HACL2: variants seen among roughly 807,000 people sequenced by gnomAD.
HACL2 encodes the protein 2-hydroxyacyl-CoA lyase 1 like.
the HACL2 span, chr19:15,123,712 G>T: frequency 2.0e-5 from 14 of 703,074 alleles, no homozygotes; most frequent in Admixed American, 3.9e-4. This position sits in a 1 kb window ranked among gnomAD's most constrained non-coding sequence, Gnocchi z 5.1. Context: ...TCTTGGTTAG[G>T]CATATATTAT....
the HACL2 span, chr19:15,118,068 A>G: frequency 6.2e-7 from 1 of 1,608,850 alleles, no homozygotes; most frequent in Non-Finnish European, 8.5e-7. Context: ...CGTCTACCTT[A>G]CTTGATCCAC....
At chr19:15,116,548 TG>T in the HACL2 span, 1 of 1,577,504 alleles carries the variant, frequency 6.3e-7, no homozygotes, top group Non-Finnish European at 8.7e-7. Context: ...GACACAGCTG[TG>T]GGGAGCTGGC....
chr19:15,124,815 T>C, the HACL2 span: 3 of 1,397,110 alleles, frequency 2.1e-6, no homozygotes, highest in African/African-American at 2.9e-5. Flanking sequence ...CCCTCTGGAC[T>C]AGTCGGGGCT....
At chr19:15,122,917 C>T in the HACL2 span, 1 of 1,608,470 alleles carries the variant, frequency 6.2e-7, no homozygotes, top group Non-Finnish European at 8.5e-7. This position sits in a 1 kb window ranked among gnomAD's most constrained non-coding sequence, Gnocchi z 4.0. Context: ...GGGCGGCAGC[C>T]ATCGCGGCCC....
the HACL2 span, among the ~76,000 whole-genome samples, chr19:15,118,773 C>T: frequency 6.6e-6 from 1 of 152,160 alleles, no homozygotes; most frequent in Non-Finnish European, 1.5e-5. Flanking sequence ...TCTATGACCC[C>T]AGCTGAGGCC....
At chr19:15,115,906 C>G in the HACL2 span, 1 of 1,614,140 alleles carries the variant, frequency 6.2e-7, no homozygotes, top group Non-Finnish European at 8.5e-7. Flanking sequence ...GCTCCGTCCC[C>G]AAACAGGCAC....
chr19:15,115,107 T>C, the HACL2 span: 4 of 899,010 alleles, frequency 4.4e-6, no homozygotes, highest in Admixed American at 2.0e-5. Flanking sequence ...TCTCTGAGAT[T>C]TGACCCCTCC....
At chr19:15,116,714 G>A in the HACL2 span, 1 of 584,826 alleles carries the variant, frequency 1.7e-6, no homozygotes, top group African/African-American at 1.9e-5. Flanking sequence ...GGCAGCCCAG[G>A]TGAAAAGGGA....
the HACL2 span, chr19:15,123,205 G>T: frequency 6.2e-7 from 1 of 1,614,002 alleles, no homozygotes; most frequent in Non-Finnish European, 8.5e-7. This position sits in a 1 kb window ranked among gnomAD's most constrained non-coding sequence, Gnocchi z 5.1. Context: ...GTGTTGGTGA[G>T]GCCAGGGCCT....
At chr19:15,117,891 C>A in the HACL2 span, 68 of 1,613,892 alleles carry the variant, frequency 4.2e-5, no homozygotes, top group Non-Finnish European at 5.6e-5. Context: ...CCTGCACAGC[C>A]TCCTGGGGCT....
chr19:15,123,657 C>CCTT, the HACL2 span: 1 of 1,323,322 alleles, frequency 7.6e-7, no homozygotes, highest in Non-Finnish European at 1.1e-6. The surrounding 1 kb of genome is among the most constrained non-coding windows in gnomAD (Gnocchi z 5.1). Context: ...CCCCCTGCCC[C>CCTT]AGGTAAGGGG....
At chr19:15,119,413 C>T in the HACL2 span, 2 of 1,614,104 alleles carry the variant, frequency 1.2e-6, no homozygotes, top group Non-Finnish European at 1.7e-6. Flanking sequence ...GCTGGCGCTT[C>T]TCACCGAAGC....
At chr19:15,120,548 A>T in the HACL2 span, among the ~76,000 whole-genome samples, 2 of 152,180 alleles carry the variant, frequency 1.3e-5, no homozygotes, top group African/African-American at 4.8e-5. Context: ...CTCCTGCTTC[A>T]AACAGGGTCT....
At chr19:15,123,090 C>G in the HACL2 span, 2 of 1,612,408 alleles carry the variant, frequency 1.2e-6, no homozygotes, top group African/African-American at 2.7e-5. The surrounding 1 kb of genome is among the most constrained non-coding windows in gnomAD (Gnocchi z 5.1). Flanking sequence ...CCCCTAGGCC[C>G]CCACTGGCCC....
At chr19:15,122,469 C>G in the HACL2 span, among the ~76,000 whole-genome samples, 1 of 152,190 alleles carries the variant, frequency 6.6e-6, no homozygotes, top group East Asian at 1.9e-4. The surrounding 1 kb of genome is among the most constrained non-coding windows in gnomAD (Gnocchi z 4.0). Flanking sequence ...TGTCCTGAGC[C>G]TCTCCCCTTT....
the HACL2 span, chr19:15,115,515 C>G: frequency 5.6e-6 from 9 of 1,602,188 alleles, no homozygotes; most frequent in East Asian, 1.3e-4. Context: ...ACAAGCCCAG[C>G]TGGGACTGAA....
At chr19:15,125,229 T>C in the HACL2 span, 1 of 721,894 alleles carries the variant, frequency 1.4e-6, no homozygotes, top group Admixed American at 3.1e-5. Flanking sequence ...TTTGTGCGCC[T>C]AGGCTCGGGG....
the HACL2 span, chr19:15,123,915 T>A: frequency 2.1e-5 from 7 of 336,482 alleles, no homozygotes; most frequent in Non-Finnish European, 3.8e-5. This position sits in a 1 kb window ranked among gnomAD's most constrained non-coding sequence, Gnocchi z 5.1. Context: ...GAGGAGAGGG[T>A]TATATAACCC....
At chr19:15,115,330 C>T in the HACL2 span, 7 of 1,614,044 alleles carry the variant, frequency 4.3e-6, no homozygotes, top group East Asian at 1.6e-4. Flanking sequence ...CGTCTCGGCA[C>T]TGCTGCTGGG....
Sources: allele counts gnomAD v4.1 joint callset (sites outside exome capture counted in the v4.1 genomes callset), GRCh38; gene constraint gnomAD v4.1.1; non-coding constraint Gnocchi (gnomAD v3.1); transcripts MANE v1.5; gene names NCBI Gene and HGNC (gene_info 2026-07-23, HGNC 2026-07-21).